Variants in SVIL observed in about 807,000 individuals in gnomAD.
SVIL encodes archvillin.
In SVIL, 101 loss-of-function variants were observed where a neutral mutation model predicts 240.4. That is an observed-to-expected ratio of 0.42 (90% CI 0.36 to 0.50). The LOEUF (loss-of-function observed/expected upper bound fraction) is 0.50. Ranked by LOEUF, SVIL falls within the 20% of genes least tolerant of loss-of-function variation. The pLI, the probability that SVIL is intolerant of heterozygous loss-of-function variation, is 0.01. For missense variants in SVIL, 2,512 were observed against 2,818.7 expected, an observed-to-expected ratio of 0.89 and a Z score of 2.46; for synonymous variants, 999 against 1,100.0, an observed-to-expected ratio of 0.91 and a Z score of 1.82.
intron 6 of SVIL, chr10:29,545,111 C>T (rs1952535545): frequency 3.7e-6 from 2 of 533,866 alleles, no homozygotes; most frequent in South Asian, 2.8e-5. Flanking sequence ...GCAGACACCT[C>T]TCTCAGTGCA....
At position 29,575,811 on chromosome 10, in the gene SVIL, C is replaced by T. The variant is rs190453571; in HGVS notation, c.-200-6499G>A. 7.2e-3 allele frequency among the ~76,000 whole-genome samples: 1,099 copies of T among 152,236 alleles called. 17 individuals carry two copies. The highest frequency in any genetic ancestry group is 0.025 in the African/African-American group (1,035 of 41,554). On this transcript the variant is annotated intron_variant, in intron 1 of 37. Transcript: ENST00000355867. ...TGACAGACACATGTGATGGAATCCT[C>T]ATGAGAAAATCCTTACTTTTTACCT...
At chr10:29,557,673 A>G (rs1057441556) in intron 3 of SVIL, among the ~76,000 whole-genome samples, 16 of 152,192 alleles carry the variant, frequency 1.1e-4, no homozygotes, top group African/African-American at 3.6e-4. Flanking sequence ...TCTATTTCCC[A>G]TATTCCAGAA....
chr10:29,471,330 A>G, intron 30 of SVIL, 87 bp from the exon 31 acceptor site: 1 of 1,052,122 alleles, frequency 9.5e-7, no homozygotes, highest in South Asian at 1.7e-5. Context: ...AGAAAATCTG[A>G]AAAATACCAA....
At chr10:29,648,530 C>T (rs1246509064) in intron 3 of SVIL, among the ~76,000 whole-genome samples, 4 of 152,176 alleles carry the variant, frequency 2.6e-5, no homozygotes, top group Non-Finnish European at 4.4e-5. Flanking sequence ...TGACCTTGCC[C>T]GACCCTCATC....
intron 2 of SVIL, among the ~76,000 whole-genome samples, chr10:29,679,679 C>T (rs1960480008): frequency 6.6e-6 from 1 of 151,610 alleles, no homozygotes; most frequent in Non-Finnish European, 1.5e-5. Context: ...CCTCAGCCTC[C>T]TGAGCAGCTG....
Position 29,458,344 on chromosome 10 carries a change from T to G in SVIL, c.6559-11A>C. The G allele has an allele frequency of 6.2e-7, 1 of 1,614,058 alleles. No individual in the cohort carries two copies. Among genetic ancestry groups the G allele is most frequent in the Non-Finnish European group, 8.5e-7 (1 of 1,180,002 alleles). On this transcript the variant is annotated splice_polypyrimidine_tract_variant and intron_variant, in intron 37 of 37. Coordinates refer to ENST00000355867, the MANE Select transcript of SVIL (RefSeq NM_021738.3). ...CATGTCTAGTGCAAACTGGAAACAT[T>G]GGGAGAAGCGCCCCGCGGCTCAGTG... is the stretch of plus-strand genomic sequence containing the variant.
chr10:29,515,246 C>A (rs1200428445), intron 16 of SVIL, among the ~76,000 whole-genome samples: 1 of 152,170 alleles, frequency 6.6e-6, no homozygotes, highest in Non-Finnish European at 1.5e-5. Flanking sequence ...TTTAACAACA[C>A]CCTGCATGCT....
rs374635083 is a variant in SVIL at position 29,695,472 on chromosome 10, G to A, written c.-399-8821C>T. On this transcript the variant is annotated intron_variant, in intron 1 of 35. Coordinates refer to the SVIL transcript ENST00000375400. ...AAAAAATTTAAAAAATAGCCCAGGC[G>A]TGGTGGCTCACGCCTGTAATCCCAG... 4.6e-5 allele frequency among the ~76,000 whole-genome samples: 7 copies of A among 152,230 alleles called. No individual in the cohort carries two copies. The East Asian group carries it at 7.8e-4, about 17-fold the overall frequency.
chr10:29,678,646 C>A (rs557393797), intron 2 of SVIL, among the ~76,000 whole-genome samples: 13 of 152,376 alleles, frequency 8.5e-5, no homozygotes, highest in African/African-American at 2.2e-4. Context: ...AGCCAAGAGG[C>A]TGTTCCCTGG....
At chr10:29,482,104 C>G (rs1946946957) in intron 27 of SVIL, among the ~76,000 whole-genome samples, 1 of 151,140 alleles carries the variant, frequency 6.6e-6, no homozygotes, top group Non-Finnish European at 1.5e-5. Flanking sequence ...TCATAGCTCC[C>G]TGCAGCCTTG....
chr10:29,549,163 T>C (rs1458350308), intron 6 of SVIL, among the ~76,000 whole-genome samples: 1 of 108,714 alleles, frequency 9.2e-6, no homozygotes, highest in Non-Finnish European at 1.9e-5. Context: ...CTCAAACAAA[T>C]TTACAAAAAA....
chr10:29,572,038 A>G (rs7085801), intron 1 of SVIL, among the ~76,000 whole-genome samples: 83,005 of 152,036 alleles, frequency 0.55, 23,144 homozygotes, highest in African/African-American at 0.67. Context: ...AGGAAATCAC[A>G]AGATAATCTC....
rs1433409936 is a variant in SVIL at position 29,465,759 on chromosome 10, G to A, written c.5978-9C>T. On this transcript the variant is annotated splice_polypyrimidine_tract_variant and intron_variant, in intron 33 of 37. Coordinates refer to ENST00000355867, the MANE Select transcript of SVIL (RefSeq NM_021738.3). ...GTTAAAACTTCCAGGATCTTTGAAA[G>A]AAAAGAGAACAAAGCTGAAGATATC... 1.2e-6 allele frequency: 2 copies of A among 1,610,948 alleles called. No individual in the cohort carries two copies. The highest frequency in any genetic ancestry group is 1.1e-5 in the South Asian group (1 of 90,774).
chr10:29,579,723 C>T (rs543945877), intron 1 of SVIL, among the ~76,000 whole-genome samples: 13 of 152,234 alleles, frequency 8.5e-5, no homozygotes, highest in African/African-American at 2.4e-4. Context: ...ACCCCTGCAA[C>T]GCTGTCCTTT....
In SVIL at chr10:29,529,628, T is replaced by C. The variant is rs184590975; in HGVS notation, c.2246+77A>G. On this transcript the variant is annotated intron_variant, in intron 12 of 37. Transcript: ENST00000355867. ...AAATCACCTCCCCAATGCCTCATTT[T>C]CATTGAACACTCTTTAAATGTATTT... is the stretch of plus-strand genomic sequence containing the variant. 4,435 of 1,460,784 alleles carry C rather than the reference T, an allele frequency of 3.0e-3. 45 individuals carry two copies. The highest frequency in any genetic ancestry group is 0.024 in the South Asian group (1,629 of 67,352). 90.5% of individuals were successfully genotyped at this position (1,460,784 alleles called of 1,614,324 possible).
intron 1 of SVIL, among the ~76,000 whole-genome samples, chr10:29,728,814 G>A (rs1018658141): frequency 2.6e-5 from 4 of 152,184 alleles, no homozygotes; most frequent in Non-Finnish European, 5.9e-5. Context: ...CCAAGTCAAA[G>A]AGCAGGCTGG....
intron 2 of SVIL, among the ~76,000 whole-genome samples, chr10:29,677,332 G>A (rs76588275): frequency 5.3e-5 from 8 of 152,070 alleles, no homozygotes; most frequent in South Asian, 2.1e-4. Flanking sequence ...ATGTACAGGC[G>A]ATATCCCCAA....
rs1449455597 is a variant in SVIL, at chr10:29,485,090, C to T, written c.4780-259G>A. Among the ~76,000 whole-genome samples, 18 of 152,162 alleles carry T rather than the reference C, an allele frequency of 1.2e-4. No homozygotes were observed. In the East Asian group the frequency reaches 3.5e-3, roughly 29 times the overall value. On this transcript the variant is annotated intron_variant, in intron 26 of 37. Coordinates refer to ENST00000355867, the MANE Select transcript of SVIL (RefSeq NM_021738.3). ...ATGTTCCCTCCTCTGAACTCTCAACCTGCTTACAACTTGCGATTCACAAGA... is the reference window on the plus strand; with the variant it reads ...ATGTTCCCTCCTCTGAACTCTCAACTTGCTTACAACTTGCGATTCACAAGA...
chr10:29,521,019 C>A (rs768390299), intron 16 of SVIL, among the ~76,000 whole-genome samples: 58 of 151,274 alleles, frequency 3.8e-4, no homozygotes, highest in Admixed American at 7.9e-4. Flanking sequence ...GTCAGGAGAT[C>A]GAGATCATCC....
Sources: gnomAD v4.1 joint callset for allele counts (sites outside exome capture counted in the v4.1 genomes callset) on GRCh38, gnomAD v4.1.1 for gene constraint, MANE v1.5 for transcripts, NCBI Gene and HGNC (gene_info 2026-07-23, HGNC 2026-07-21) for gene names.